FRYL: variants seen among roughly 807,000 people sequenced by gnomAD.
FRYL encodes the protein protein furry homolog-like.
Under a neutral mutation model 351.2 loss-of-function variants are expected in FRYL, and 150 were observed. The observed-to-expected ratio is 0.43, with a 90% CI of 0.37 to 0.49. The LOEUF (loss-of-function observed/expected upper bound fraction) is 0.49. Among genes scored for constraint, FRYL ranks in the 20% least tolerant of loss-of-function variants. The pLI is 0.00. For missense variants in FRYL, 3,036 were observed against 3,619.3 expected (o/e 0.84, Z 4.13); for synonymous variants, 1,153 against 1,257.1 (o/e 0.92, Z 1.75).
rs1718989195 is a variant in FRYL, at chr4:48,499,053, T to A, written c.*369A>T. ...AAATGAAACAGCCTTGATTTCAGCCTCATTTCACCTGCTTTTGGTTGTTTC... is the reference window on the plus strand; with the variant it reads ...AAATGAAACAGCCTTGATTTCAGCCACATTTCACCTGCTTTTGGTTGTTTC... On this transcript the variant is annotated 3_prime_UTR_variant, in exon 64 of 64. Coordinates refer to ENST00000358350, the MANE Select transcript of FRYL (RefSeq NM_015030.2). 5.0e-6 allele frequency: 1 copy of A among 198,222 alleles called. No homozygotes were observed. Among genetic ancestry groups the A allele is most frequent in the African/African-American group, 2.4e-5 (1 of 42,096 alleles). The allele number at this position is 198,222 out of a possible 1,614,324, so 12.3% of individuals were successfully genotyped here.
chr4:48,742,396 T>C (rs988933437), intron 1 of FRYL, among the ~76,000 whole-genome samples: 8 of 152,192 alleles, frequency 5.3e-5, no homozygotes. Flanking sequence ...TTTCCTCCAC[T>C]GGCCAGTCCT....
intron 40 of FRYL, among the ~76,000 whole-genome samples, 176 bp downstream of exon 40, chr4:48,548,514 G>T (rs909918827): frequency 3.9e-5 from 6 of 152,146 alleles, no homozygotes; most frequent in Admixed American, 2.0e-4. Flanking sequence ...TTTGTGGTTA[G>T]AAGAGGGGCC....
intron 32 of FRYL, 85 bp from the exon 33 acceptor site, chr4:48,561,721 ACT>A: frequency 9.2e-7 from 1 of 1,081,086 alleles, no homozygotes; most frequent in Non-Finnish European, 1.3e-6. Flanking sequence ...TTTTAAAAAA[ACT>A]CTTCTCCCCA....
In FRYL at chr4:48,593,918, T is replaced by C; in HGVS notation, c.1335+12A>G. 3.3e-6 allele frequency: 4 copies of C among 1,220,788 alleles called. No homozygotes were observed. In the East Asian group the frequency reaches 8.7e-5, roughly 27 times the overall value. The allele number at this position is 1,220,788 out of a possible 1,614,324, so 75.6% of individuals were successfully genotyped here. A position where few individuals can be genotyped will look rare whatever the true frequency, so the allele number is the denominator to read the frequency against. On this transcript the variant is annotated intron_variant, in intron 16 of 63. Coordinates refer to ENST00000358350, the MANE Select transcript of FRYL (RefSeq NM_015030.2). ...TCTAGGATTTTATATTATTACATTATAATTTTTTTACCTCTGGATTAATGG... is the reference window on the plus strand; with the variant it reads ...TCTAGGATTTTATATTATTACATTACAATTTTTTTACCTCTGGATTAATGG...
Position 48,565,059 on chromosome 4 carries a change from T to C in FRYL, c.3331-16A>G, listed in dbSNP as rs1736454443. The C allele has an allele frequency of 2.1e-6, 3 of 1,413,770 alleles. No homozygotes were observed. Among genetic ancestry groups the C allele is most frequent in the Non-Finnish European group, 2.9e-6 (3 of 1,035,904 alleles). The allele number at this position is 1,413,770 out of a possible 1,614,324, so 87.6% of individuals were successfully genotyped here. A position where few individuals can be genotyped will look rare whatever the true frequency, so the allele number is the denominator to read the frequency against. ...CAGACATAGCCTTCAAATAATAATA[T>C]TAGAATTACATTTAACAAATTTAAG... On this transcript the variant is annotated splice_polypyrimidine_tract_variant and intron_variant, in intron 29 of 63. Coordinates refer to ENST00000358350, the MANE Select transcript of FRYL (RefSeq NM_015030.2).
Position 48,570,869 on chromosome 4 carries a change from C to G in FRYL, c.2954G>C (p.Arg985Pro). Residue 985 changes from arginine to proline, a missense_variant, in exon 27 of 64, where the codon CGA (arginine) becomes CCA (proline). Arg to Pro is a moderately radical substitution (Grantham distance 103). This residue lies in a region of FRYL where 492 missense variants were observed against 551.5 expected (regional missense o/e 0.89). Coordinates refer to ENST00000358350, the MANE Select transcript of FRYL (RefSeq NM_015030.2). Reference protein sequence around the residue: ...RRDILRVQLVRIFELLADAGV... With the variant: ...RRDILRVQLVPIFELLADAGV... ...AGCATCTGCCAGCAGTTCAAATATTCGTACCAGTTGTACTCGTAAAATGTC... is the reference window on the plus strand; with the variant it reads ...AGCATCTGCCAGCAGTTCAAATATTGGTACCAGTTGTACTCGTAAAATGTC... 6.2e-7 allele frequency: 1 copy of G among 1,613,860 alleles called. No homozygotes were observed. Among genetic ancestry groups the G allele is most frequent in the Non-Finnish European group, 8.5e-7 (1 of 1,179,796 alleles).
intron 3 of FRYL, among the ~76,000 whole-genome samples, chr4:48,649,253 AT>A (rs1757168366): frequency 6.6e-6 from 1 of 152,204 alleles, no homozygotes; most frequent in African/African-American, 2.4e-5. Flanking sequence ...CAAAAAAAAA[AT>A]CTGAGTATTA....
chr4:48,645,677 C>G (rs1756326875), intron 3 of FRYL, among the ~76,000 whole-genome samples: 1 of 152,082 alleles, frequency 6.6e-6, no homozygotes, highest in Non-Finnish European at 1.5e-5. Flanking sequence ...TTGAAAGCTC[C>G]CCAGGCTGAT....
intron 62 of FRYL, 55 bp downstream of exon 62, chr4:48,501,553 CAAGTAATAGATTTTA>C: frequency 1.2e-6 from 1 of 832,966 alleles, no homozygotes; most frequent in Non-Finnish European, 2.0e-6. Flanking sequence ...GCTATTTTAA[CAAGTAATAGATTTTA>C]TTTTAAAATT....
chr4:48,674,986 T>A (rs917057079), intron 3 of FRYL, among the ~76,000 whole-genome samples: 5 of 152,238 alleles, frequency 3.3e-5, no homozygotes, highest in African/African-American at 1.2e-4. Context: ...ATTACGCCAT[T>A]GTCTTTTTGC....
intron 1 of FRYL, among the ~76,000 whole-genome samples, chr4:48,776,704 G>A (rs538078039): frequency 2.8e-4 from 43 of 152,294 alleles, no homozygotes; most frequent in Admixed American, 1.7e-3. Flanking sequence ...CCAGATGGAT[G>A]ATCCCTGTCA....
At position 48,576,185 on chromosome 4, in the gene FRYL, T is replaced by C; in HGVS notation, c.2566A>G (p.Ser856Gly). ...INAKKVNTTT[S>G]SDSYIGLWRN... ...CACAGGCCAATGTATGAGTCACTGC[T>C]TGTGGTGGTATTTACTTTCTTAGCA... Residue 856 changes from serine (S) to glycine (G), a missense_variant, in exon 24 of 64, where the codon AGC becomes GGC. Transcript: ENST00000358350. 1 of 1,611,482 alleles carries C rather than the reference T, an allele frequency of 6.2e-7. No individual in the cohort carries two copies. Among genetic ancestry groups the C allele is most frequent in the Non-Finnish European group, 8.5e-7 (1 of 1,178,990 alleles).
chr4:48,661,945 A>C (rs1302001350), intron 3 of FRYL, among the ~76,000 whole-genome samples: 1 of 152,060 alleles, frequency 6.6e-6, no homozygotes, highest in Non-Finnish European at 1.5e-5. Context: ...CACTATGTAG[A>C]ACTAACAGAG....
intron 2 of FRYL, among the ~76,000 whole-genome samples, chr4:48,703,056 C>A (rs1766941531): frequency 6.6e-6 from 1 of 152,082 alleles, no homozygotes; most frequent in Non-Finnish European, 1.5e-5. Context: ...AAAGTTGTCT[C>A]AGGAGAGCAG....
chr4:48,637,046 G>T (rs1754374220), intron 3 of FRYL: 2 of 151,840 alleles, frequency 1.3e-5, no homozygotes, highest in Non-Finnish European at 2.9e-5. Flanking sequence ...TTAGACAGCA[G>T]GAAAAAATAT....
chr4:48,601,945 G>GCTGTT lies in FRYL; in HGVS notation c.1035+74_1035+75insAACAG, dbSNP rs1240170856. ...CCAATAGTAACAAAAGTTTCATTAT[G>GCTGTT]CACTGTTCAATTTATATGCATAAAC... On this transcript the variant is annotated intron_variant, in intron 13 of 63. Transcript: ENST00000358350. 7.4e-6 allele frequency: 6 copies of GCTGTT among 813,762 alleles called. No homozygotes were observed. In the East Asian group the frequency reaches 1.5e-4, roughly 21 times the overall value. 50.4% of individuals were successfully genotyped at this position (813,762 alleles called of 1,614,324 possible). A position where few individuals can be genotyped will look rare whatever the true frequency, so the allele number is the denominator to read the frequency against.
chr4:48,652,692 CTCA>C (rs1483364121), intron 3 of FRYL, among the ~76,000 whole-genome samples: 1 of 152,110 alleles, frequency 6.6e-6, no homozygotes, highest in Non-Finnish European at 1.5e-5. Context: ...GGTTTTTGTT[CTCA>C]TGTCAATATT....
intron 3 of FRYL, among the ~76,000 whole-genome samples, chr4:48,673,209 CAG>C (rs763217701): frequency 3.9e-5 from 6 of 152,102 alleles, no homozygotes; most frequent in Non-Finnish European, 5.9e-5. Context: ...TTTATCTCAC[CAG>C]AGTGTTACAA....
At chr4:48,541,254 A>G (rs984467113) in intron 45 of FRYL, among the ~76,000 whole-genome samples, 5 of 152,182 alleles carry the variant, frequency 3.3e-5, no homozygotes, top group Non-Finnish European at 7.3e-5. Context: ...TTAGGCATAC[A>G]TTATGTCCAA....
Sources: gnomAD v4.1 joint callset for allele counts (sites outside exome capture counted in the v4.1 genomes callset) on GRCh38, gnomAD v4.1.1 for gene constraint, gnomAD v4.1.1 regional missense constraint, MANE v1.5 for transcripts, NCBI Gene and HGNC (gene_info 2026-07-23, HGNC 2026-07-21) for gene names.